The following SRBD1 variants were observed in gnomAD, a reference collection of about 807,000 sequenced individuals.
SRBD1 encodes S1 RNA binding domain 1.
SRBD1 carries 88 observed loss-of-function variants against 115.3 expected under a neutral mutation model. That is an observed-to-expected ratio of 0.76 (90% CI 0.64 to 0.91). The LOEUF is 0.91. Ranked by LOEUF, SRBD1 falls within the 40% of genes least tolerant of loss-of-function variation. The probability of loss-of-function intolerance (pLI) is 0.00; values close to 1 mark genes in which losing one functional copy is unlikely to be tolerated. For synonymous variants in SRBD1, 509 were observed against 407.7 expected (o/e 1.25, Z -2.99); for missense variants, 1,385 against 1,177.4 (o/e 1.18, Z -2.58).
intron 1 of SRBD1, 52 bp from the exon 2 acceptor site, chr2:45,605,493 T>C (rs1485235988): frequency 3.3e-6 from 5 of 1,531,294 alleles, no homozygotes; most frequent in Non-Finnish European, 4.5e-6. Flanking sequence ...CTTATCACTT[T>C]ATTTGGCTAC....
At chr2:45,535,344 C>T (rs985670494) in intron 14 of SRBD1, among the ~76,000 whole-genome samples, 2 of 151,838 alleles carry the variant, frequency 1.3e-5, no homozygotes, top group African/African-American at 4.8e-5. Context: ...AGGTTAAGAC[C>T]AAAATGTTTT....
intron 14 of SRBD1, among the ~76,000 whole-genome samples, chr2:45,492,361 T>C (rs1484590221): frequency 6.6e-6 from 1 of 152,216 alleles, no homozygotes; most frequent in African/African-American, 2.4e-5. Flanking sequence ...AGGAATGTTA[T>C]TATCATTATT....
At position 45,459,296 on chromosome 2, in the gene SRBD1, C is replaced by T. The variant is rs796092364; in HGVS notation, c.2049+17697G>A. ...AATGCCTATCTTTCCCTGTGCAACA[C>T]GTCCTGTCATTACTATTTATAAGAG... On this transcript the variant is annotated intron_variant, in intron 16 of 20. Coordinates refer to ENST00000263736, the MANE Select transcript of SRBD1 (RefSeq NM_018079.5). Among the ~76,000 whole-genome samples the T allele has an allele frequency of 7.2e-5, 11 of 152,280 alleles. No homozygotes were observed. In the South Asian group the frequency reaches 2.1e-3, roughly 29 times the overall value.
intron 14 of SRBD1, among the ~76,000 whole-genome samples, chr2:45,523,613 AG>A (rs1671354320): frequency 6.6e-6 from 1 of 151,942 alleles, no homozygotes; most frequent in Admixed American, 6.6e-5. Context: ...ATTACTGGAA[AG>A]ACACAAACTA....
intron 14 of SRBD1, among the ~76,000 whole-genome samples, chr2:45,530,391 G>A (rs753565379): frequency 7.2e-5 from 11 of 151,874 alleles, no homozygotes; most frequent in African/African-American, 1.5e-4. Context: ...CCTAAATTAC[G>A]TAGGATACAC....
intron 18 of SRBD1, among the ~76,000 whole-genome samples, chr2:45,414,134 T>TA (rs1667689311): frequency 6.6e-6 from 1 of 152,164 alleles, no homozygotes; most frequent in Non-Finnish European, 1.5e-5. Context: ...AACAATATCT[T>TA]AAAGTTTCTG....
chr2:45,460,819 CCCAA>C (rs1375754396), intron 16 of SRBD1, among the ~76,000 whole-genome samples: 1 of 152,114 alleles, frequency 6.6e-6, no homozygotes, highest in Non-Finnish European at 1.5e-5. Flanking sequence ...GTTTGAGAGG[CCCAA>C]CCAATGCCAT....
At chr2:45,479,475 G>C (rs1669898507) in intron 15 of SRBD1, among the ~76,000 whole-genome samples, 2 of 152,290 alleles carry the variant, frequency 1.3e-5, no homozygotes, top group Middle Eastern at 3.4e-3. Context: ...TGCTGATATG[G>C]AGAAAGTCTG....
intron 14 of SRBD1, among the ~76,000 whole-genome samples, chr2:45,508,082 C>T (rs1438492229): frequency 6.6e-6 from 1 of 152,104 alleles, no homozygotes; most frequent in Non-Finnish European, 1.5e-5. Flanking sequence ...ACACAATATG[C>T]TAAACAAATT....
chr2:45,428,577 A>AATACATAC (rs1553329850), intron 16 of SRBD1, among the ~76,000 whole-genome samples: 1 of 125,834 alleles, frequency 7.9e-6, no homozygotes, highest in Non-Finnish European at 1.9e-5. Context: ...TAAATAAATA[A>AATACATAC]ATAAATACAT....
intron 15 of SRBD1, among the ~76,000 whole-genome samples, chr2:45,480,690 T>C (rs1669935324): frequency 6.6e-6 from 1 of 152,140 alleles, no homozygotes. Context: ...TATCAAATAT[T>C]ACATAAACTT....
intron 16 of SRBD1, among the ~76,000 whole-genome samples, chr2:45,459,719 A>T (rs573066699): frequency 6.6e-6 from 1 of 152,132 alleles, no homozygotes; most frequent in Non-Finnish European, 1.5e-5. Flanking sequence ...CAGAAAACAT[A>T]TCGGTATCCT....
intron 16 of SRBD1, among the ~76,000 whole-genome samples, chr2:45,468,780 G>C (rs1669566565): frequency 7.9e-5 from 12 of 152,166 alleles, no homozygotes; most frequent in Admixed American, 7.9e-4. Context: ...GAGTTGAAGA[G>C]AATTCTCATC....
intron 10 of SRBD1, among the ~76,000 whole-genome samples, chr2:45,556,368 G>A (rs1672476105): frequency 6.7e-6 from 1 of 149,876 alleles, no homozygotes; most frequent in Non-Finnish European, 1.5e-5. Flanking sequence ...GATATGAAGA[G>A]CTCAAAAGCA....
chr2:45,427,989 A>G (rs112610880), intron 16 of SRBD1, among the ~76,000 whole-genome samples: 7,016 of 152,268 alleles, frequency 0.046, 563 homozygotes, highest in African/African-American at 0.16. Context: ...TCAGCTCTGG[A>G]CCAAGCAGAC....
At position 45,587,668 on chromosome 2, in the gene SRBD1, G is replaced by C. The variant is rs185658625; in HGVS notation, c.649-1894C>G. Among the ~76,000 whole-genome samples, 552 of 152,166 alleles carry C rather than the reference G, an allele frequency of 3.6e-3. 3 individuals are homozygous for C. The highest frequency in any genetic ancestry group is 0.012 in the African/African-American group (516 of 41,508). On this transcript the variant is annotated intron_variant, in intron 4 of 20. Transcript: ENST00000263736. Reference sequence around the variant, plus strand: ...TGGCTAAACTCCAGAGACTATAGAGGATATCTCATTCTCGGGGCACATTAA... The same window carrying C: ...TGGCTAAACTCCAGAGACTATAGAGCATATCTCATTCTCGGGGCACATTAA...
At chr2:45,478,485 C>T (rs1252603610) in intron 15 of SRBD1, among the ~76,000 whole-genome samples, 2 of 152,166 alleles carry the variant, frequency 1.3e-5, no homozygotes, top group African/African-American at 4.8e-5. Context: ...GCTGAGCTGG[C>T]GTTACACAAT....
At chr2:45,448,863 G>C (rs1216446028) in intron 16 of SRBD1, among the ~76,000 whole-genome samples, 6 of 152,090 alleles carry the variant, frequency 3.9e-5, no homozygotes, top group Non-Finnish European at 8.8e-5. Context: ...CAGCAAATTA[G>C]AGCAGTGCAC....
At chr2:45,569,635 G>C (rs982166506) in intron 9 of SRBD1, 2 of 152,026 alleles carry the variant, frequency 1.3e-5, no homozygotes, top group Non-Finnish European at 2.9e-5. Context: ...GAAATTCCGC[G>C]TTTGAAAAAC....
Sources: gnomAD v4.1 joint callset for allele counts (sites outside exome capture counted in the v4.1 genomes callset) on GRCh38, gnomAD v4.1.1 for gene constraint, MANE v1.5 for transcripts, NCBI Gene and HGNC (gene_info 2026-07-23, HGNC 2026-07-21) for gene names.